The following PEAK1 variants were observed in gnomAD, a reference collection of about 807,000 sequenced individuals.
PEAK1 encodes the protein inactive tyrosine-protein kinase PEAK1.
Under a neutral mutation model 124.7 loss-of-function variants are expected in PEAK1, and 54 were observed. The ratio of observed to expected loss-of-function variants is 0.43; its 90% CI spans 0.35 to 0.54. The LOEUF (loss-of-function observed/expected upper bound fraction) is 0.54, where lower values mean the gene tolerates loss of function less well. Among genes scored for constraint, PEAK1 ranks in the 20% least tolerant of loss-of-function variants. PEAK1 has a pLI of 0.01. For synonymous variants in PEAK1, 719 were observed against 760.0 expected (o/e 0.95, Z 0.89); for missense variants, 2,046 against 2,134.5 (o/e 0.96, Z 0.82).
chr15:77,264,143 A>C (rs1432722087), intron 5 of PEAK1, among the ~76,000 whole-genome samples: 4 of 152,200 alleles, frequency 2.6e-5, no homozygotes, highest in Non-Finnish European at 2.9e-5. Context: ...CCCACAGCCA[A>C]CATCATACTG....
chr15:77,336,057 A>G (rs1247609895), intron 2 of PEAK1: 1 of 985,346 alleles, frequency 1.0e-6, no homozygotes, highest in African/African-American at 1.7e-5. Flanking sequence ...GATAACAAGA[A>G]TAACAGTGCC....
chr15:77,217,550 T>A (rs558865596), intron 6 of PEAK1, among the ~76,000 whole-genome samples: 2 of 152,192 alleles, frequency 1.3e-5, no homozygotes, highest in Non-Finnish European at 2.9e-5. Context: ...ACAAGAGCAA[T>A]GTTTTGACAG....
At chr15:77,294,295 G>A (rs1177474079) in intron 2 of PEAK1, among the ~76,000 whole-genome samples, 1 of 152,100 alleles carries the variant, frequency 6.6e-6, no homozygotes, top group East Asian at 1.9e-4. Context: ...ATATATAACA[G>A]AAGAACTCTG....
At chr15:77,170,747 G>A (rs2056448740) in intron 7 of PEAK1, among the ~76,000 whole-genome samples, 1 of 152,094 alleles carries the variant, frequency 6.6e-6, no homozygotes, top group African/African-American at 2.4e-5. Context: ...TATGGTATAG[G>A]TAGGGAAACT....
At chr15:77,121,269 A>G (rs1188481242) in intron 9 of PEAK1, among the ~76,000 whole-genome samples, 1 of 152,012 alleles carries the variant, frequency 6.6e-6, no homozygotes, top group Non-Finnish European at 1.5e-5. Context: ...TTACAAGCAG[A>G]TACTTGTATC....
intron 2 of PEAK1, among the ~76,000 whole-genome samples, chr15:77,292,414 C>T (rs1270181465): frequency 6.6e-6 from 1 of 151,936 alleles, no homozygotes; most frequent in Non-Finnish European, 1.5e-5. Flanking sequence ...TATATCACAG[C>T]TTTCTTGCAC....
chr15:77,133,477 G>C lies in PEAK1; in HGVS notation c.3605C>G (p.Ser1202Cys), dbSNP rs1567009757. Residue 1202 changes from serine (S) to cysteine (C), a missense_variant, in exon 9 of 10, where the codon TCC (serine) becomes TGC (cysteine). By Grantham distance (112) the Ser-to-Cys change is moderately radical. Transcript: ENST00000682557. This position sits in a 1 kb window ranked among gnomAD's most constrained non-coding sequence, Gnocchi z 4.2. ...PNWDASSAGS[S>C]ISYELKGLDI... Reference sequence around the variant, plus strand: ...CAGTCCTTTGAGTTCATAGCTGATGGAAGAACCAGCACTGCTGGCATCCCA... The same window carrying C: ...CAGTCCTTTGAGTTCATAGCTGATGCAAGAACCAGCACTGCTGGCATCCCA... 2 of 1,614,226 alleles carry C rather than the reference G, an allele frequency of 1.2e-6. No homozygotes were observed. Among genetic ancestry groups the C allele is most frequent in the Non-Finnish European group, 1.7e-6 (2 of 1,180,040 alleles).
intron 6 of PEAK1, among the ~76,000 whole-genome samples, chr15:77,189,367 A>C (rs1026739013): frequency 6.6e-6 from 1 of 152,210 alleles, no homozygotes; most frequent in Non-Finnish European, 1.5e-5. Flanking sequence ...ATGCATGCAT[A>C]AATGGTATAG....
intron 2 of PEAK1, chr15:77,352,051 T>A: frequency 4.7e-6 from 4 of 848,258 alleles, no homozygotes; most frequent in Non-Finnish European, 5.7e-6. Context: ...GGAGACCCCA[T>A]CTCTCCAAAA....
intron 2 of PEAK1, among the ~76,000 whole-genome samples, chr15:77,304,441 C>CTT (rs2063960926): frequency 8.0e-6 from 1 of 124,774 alleles, no homozygotes; most frequent in African/African-American, 2.9e-5. Flanking sequence ...CTCCTGTATA[C>CTT]ATTTTTTTTT....
rs141422929 is a variant in PEAK1, at chr15:77,349,695, G to A, written c.-603+15468C>T. The stretch of plus-strand genomic sequence containing the variant: ...ATCCTTTACATTGTCCTTTCTTCAC[G>A]TAGGATTTTCAAGCTAACCCTTCTA... On this transcript the variant is annotated intron_variant, in intron 2 of 9. Coordinates refer to ENST00000682557, the MANE Select transcript of PEAK1 (RefSeq NM_001385026.1). 809 of 984,890 alleles carry A rather than the reference G, an allele frequency of 8.2e-4. 5 individuals are homozygous for A. In the African/African-American group the frequency reaches 0.013, roughly 16 times the overall value. The allele number at this position is 984,890 out of a possible 1,614,324, so 61.0% of individuals were successfully genotyped here.
At chr15:77,313,644 ATGTATGTATGTGTGTG>A (rs1270484660) in intron 2 of PEAK1, among the ~76,000 whole-genome samples, 2 of 75,418 alleles carry the variant, frequency 2.7e-5, no homozygotes, top group East Asian at 2.9e-4. Context: ...GTATGTATGT[ATGTATGTATGTGTGTG>A]TGTGTGTGTG....
chr15:77,284,373 G>C (rs532545681), intron 4 of PEAK1, among the ~76,000 whole-genome samples: 96 of 152,180 alleles, frequency 6.3e-4, no homozygotes, highest in Non-Finnish European at 1.2e-3. Flanking sequence ...CTGTATTACT[G>C]TAAGGGACTT....
chr15:77,196,274 G>C (rs2058098786), intron 6 of PEAK1, among the ~76,000 whole-genome samples: 1 of 152,182 alleles, frequency 6.6e-6, no homozygotes, highest in Admixed American at 6.5e-5. Flanking sequence ...GCCATGCTCT[G>C]ATTTTCCTCA....
Position 77,279,108 on chromosome 15 carries a change from T to C in PEAK1, c.-275+4775A>G, listed in dbSNP as rs922496174. On this transcript the variant is annotated intron_variant, in intron 5 of 9. Transcript: ENST00000682557. ...CTCCCAAGGTGCTCGTGTGTGCGTG[T>C]GTGTGTGTGTGTGTGTGTGTGTGTG... Among the ~76,000 whole-genome samples the C allele has an allele frequency of 8.0e-3, 1,077 of 134,400 alleles. 10 individuals carry two copies. The highest frequency in any genetic ancestry group is 0.011 in the Non-Finnish European group (753 of 66,700). 88.2% of individuals were successfully genotyped at this position (134,400 alleles called of 152,430 possible).
intron 5 of PEAK1, among the ~76,000 whole-genome samples, chr15:77,262,668 C>G (rs1365807814): frequency 6.6e-6 from 1 of 151,006 alleles, no homozygotes; most frequent in East Asian, 1.9e-4. Context: ...ACTTTAACAC[C>G]CCACAGACAA....
At position 77,242,345 on chromosome 15, in the gene PEAK1, A is replaced by G. The variant is rs1195434232; in HGVS notation, c.-115+10022T>C. Reference sequence around the variant, plus strand: ...CTTTTAAATTTTGACTTAAAACTTAACTCCTCTGAAAAGCCTTCTCCAATT... The same window carrying G: ...CTTTTAAATTTTGACTTAAAACTTAGCTCCTCTGAAAAGCCTTCTCCAATT... On this transcript the variant is annotated intron_variant, in intron 6 of 9. Transcript: ENST00000682557. 2.6e-5 allele frequency among the ~76,000 whole-genome samples: 4 copies of G among 152,076 alleles called. No homozygotes were observed. The East Asian group carries it at 7.7e-4, about 29-fold the overall frequency.
chr15:77,194,501 G>C (rs1225692386), intron 6 of PEAK1, among the ~76,000 whole-genome samples: 1 of 152,048 alleles, frequency 6.6e-6, no homozygotes, highest in African/African-American at 2.4e-5. Context: ...AAATCCTATA[G>C]ATCTTTTGAT....
At chr15:77,324,880 C>A (rs1434445829) in intron 2 of PEAK1, among the ~76,000 whole-genome samples, 1 of 152,176 alleles carries the variant, frequency 6.6e-6, no homozygotes, top group Non-Finnish European at 1.5e-5. Flanking sequence ...CTGATGATTA[C>A]AATTCAATGT....
Sources: allele counts gnomAD v4.1 joint callset (sites outside exome capture counted in the v4.1 genomes callset), GRCh38; gene constraint gnomAD v4.1.1; non-coding constraint Gnocchi (gnomAD v3.1); transcripts MANE v1.5; gene names NCBI Gene and HGNC (gene_info 2026-07-23, HGNC 2026-07-21).